Variants in MEF2C observed in about 807,000 individuals in gnomAD.
The protein encoded by MEF2C is myocyte enhancer factor 2C.
A neutral mutation model predicts 50.5 loss-of-function variants in MEF2C; 6 were observed. The observed-to-expected ratio is 0.12, with a 90% CI of 0.07 to 0.23. The LOEUF is 0.23. Among genes scored for constraint, MEF2C ranks in the 10% least tolerant of loss-of-function variants. MEF2C has a pLI of 1.00. For missense variants in MEF2C, 276 were observed against 605.0 expected, an observed-to-expected ratio of 0.46 and a Z score of 5.70; for synonymous variants, 183 against 228.0, an observed-to-expected ratio of 0.80 and a Z score of 1.78.
At chr5:88,829,048 A>G in intron 1 of MEF2C, among the ~76,000 whole-genome samples, 1 of 152,036 alleles carries the variant, frequency 6.6e-6, no homozygotes, top group East Asian at 1.9e-4. Flanking sequence ...GATAAATACC[A>G]TCATGCCATA....
At chr5:88,793,751 C>T (rs990831958) in intron 3 of MEF2C, among the ~76,000 whole-genome samples, 1 of 152,046 alleles carries the variant, frequency 6.6e-6, no homozygotes, top group African/African-American at 2.4e-5. Flanking sequence ...CCCATAAAAC[C>T]GTCATCTACA....
chr5:88,822,185 A>G (rs1317207209), intron 2 of MEF2C, among the ~76,000 whole-genome samples: 1 of 152,054 alleles, frequency 6.6e-6, no homozygotes, highest in Non-Finnish European at 1.5e-5. Flanking sequence ...AATGAATATC[A>G]TAAACCTAAA....
chr5:88,728,125 A>G (rs1302157363), intron 10 of MEF2C, among the ~76,000 whole-genome samples: 4 of 152,016 alleles, frequency 2.6e-5, no homozygotes, highest in Non-Finnish European at 5.9e-5. Context: ...AGCATAAACC[A>G]TATGGTTTAT....
At chr5:88,825,072 T>C (rs1360650089) in intron 1 of MEF2C, among the ~76,000 whole-genome samples, 1 of 151,946 alleles carries the variant, frequency 6.6e-6, no homozygotes, top group Non-Finnish European at 1.5e-5. Flanking sequence ...TTATTTTAGC[T>C]GGTGTCTGAC....
chr5:88,726,680 GA>G (rs1758946757), intron 10 of MEF2C, among the ~76,000 whole-genome samples: 1 of 152,146 alleles, frequency 6.6e-6, no homozygotes, highest in Non-Finnish European at 1.5e-5. Context: ...ACCGGGAGCT[GA>G]ACAAAATGCT....
chr5:88,867,177 ACTT>A (rs938211733), intron 1 of MEF2C, among the ~76,000 whole-genome samples: 3 of 152,300 alleles, frequency 2.0e-5, no homozygotes, highest in African/African-American at 7.2e-5. Flanking sequence ...GAATTAATAC[ACTT>A]CTTTTTAAAA....
At chr5:88,862,250 G>A (rs1825751582) in intron 1 of MEF2C, among the ~76,000 whole-genome samples, 1 of 152,150 alleles carries the variant, frequency 6.6e-6, no homozygotes, top group South Asian at 2.1e-4. Flanking sequence ...TATAGAATTT[G>A]TGGAACTAGT....
chr5:88,776,683 GAA>G (rs1371055836), intron 3 of MEF2C, among the ~76,000 whole-genome samples: 1 of 152,174 alleles, frequency 6.6e-6, no homozygotes, highest in Non-Finnish European at 1.5e-5. Flanking sequence ...GAAAATGAGT[GAA>G]AAAGAGAGAA....
At chr5:88,775,783 TA>T (rs1784473469) in intron 3 of MEF2C, 1 of 980,324 alleles carries the variant, frequency 1.0e-6, no homozygotes, top group African/African-American at 1.8e-5. Flanking sequence ...CACATGATGC[TA>T]TAAAAGCTAG....
chr5:88,794,051 A>C (rs910971070), intron 3 of MEF2C, among the ~76,000 whole-genome samples: 2 of 152,114 alleles, frequency 1.3e-5, no homozygotes, highest in Non-Finnish European at 2.9e-5. Flanking sequence ...TCATTGATGG[A>C]CATTTGGGTT....
At chr5:88,738,459 T>G (rs1361201070) in intron 6 of MEF2C, 1 of 888,184 alleles carries the variant, frequency 1.1e-6, no homozygotes. Context: ...ACTAATAGTA[T>G]CCCTATGAAA....
chr5:88,869,280 T>TATATATATATATATATATATATATAC (rs1561420315), intron 1 of MEF2C, among the ~76,000 whole-genome samples: 1 of 73,946 alleles, frequency 1.4e-5, no homozygotes, highest in Non-Finnish European at 2.4e-5. Context: ...TATATATACA[T>TATATATATATATATATATATATATAC]ATATATATAT....
intron 3 of MEF2C, among the ~76,000 whole-genome samples, chr5:88,793,667 T>C (rs1348302838): frequency 2.6e-5 from 4 of 152,212 alleles, no homozygotes; most frequent in African/African-American, 9.7e-5. Flanking sequence ...TTATTTACTT[T>C]AAGTTCTGGG....
intron 2 of MEF2C, among the ~76,000 whole-genome samples, chr5:88,807,987 A>G (rs969362951): frequency 6.6e-6 from 1 of 152,174 alleles, no homozygotes; most frequent in African/African-American, 2.4e-5. Context: ...TTTCTAAAGT[A>G]CTTCTGAAAA....
At chr5:88,762,096 C>T (rs963626081) in intron 3 of MEF2C, among the ~76,000 whole-genome samples, 2 of 152,098 alleles carry the variant, frequency 1.3e-5, no homozygotes, top group African/African-American at 4.8e-5. Context: ...AAGGGTTCCT[C>T]CTAGTTTTTC....
rs527706010 is a variant in MEF2C at position 88,849,267 on chromosome 5, C to T, written c.-142-25337G>A. ...AAAATAAAAAGCATTCATAAATCCA[C>T]ATGCTCCAACTGCTTAACCCTTAAA... On this transcript the variant is annotated intron_variant, in intron 1 of 10. Coordinates refer to ENST00000504921, the MANE Select transcript of MEF2C (RefSeq NM_002397.5). Among the ~76,000 whole-genome samples the T allele has an allele frequency of 4.6e-5, 7 of 152,044 alleles. No individual in the cohort carries two copies. The South Asian group carries it at 1.0e-3, about 22-fold the overall frequency.
At chr5:88,864,781 T>C (rs1454072439) in intron 1 of MEF2C, among the ~76,000 whole-genome samples, 1 of 151,582 alleles carries the variant, frequency 6.6e-6, no homozygotes, top group Admixed American at 6.6e-5. Flanking sequence ...TTTTTTTTTT[T>C]TTTGAGATGG....
intron 1 of MEF2C, among the ~76,000 whole-genome samples, chr5:88,846,263 T>A (rs1467995716): frequency 6.6e-6 from 1 of 152,132 alleles, no homozygotes; most frequent in Non-Finnish European, 1.5e-5. Context: ...AGATAGGGTT[T>A]CACCATGTTG....
At chr5:88,767,913 A>G (rs1405426224) in intron 3 of MEF2C, among the ~76,000 whole-genome samples, 1 of 152,230 alleles carries the variant, frequency 6.6e-6, no homozygotes, top group Non-Finnish European at 1.5e-5. Flanking sequence ...ACCGCCAAGC[A>G]TCATCCGGCC....
Sources: gnomAD v4.1 joint callset for allele counts (sites outside exome capture counted in the v4.1 genomes callset) on GRCh38, gnomAD v4.1.1 for gene constraint, MANE v1.5 for transcripts, NCBI Gene and HGNC (gene_info 2026-07-23, HGNC 2026-07-21) for gene names.